CCDC141: variants seen among roughly 807,000 people sequenced by gnomAD.
CCDC141 encodes the protein coiled-coil domain containing 141, also known as coiled-coil domain-containing protein 141.
CCDC141 carries 168 observed loss-of-function variants against 181.0 expected under a neutral mutation model. The ratio of observed to expected loss-of-function variants is 0.93; its 90% CI spans 0.82 to 1.05. The LOEUF (loss-of-function observed/expected upper bound fraction) is 1.05, where lower values mean the gene tolerates loss of function less well. Ranked by LOEUF, CCDC141 falls within the 50% of genes least tolerant of loss-of-function variation. The pLI, the probability that CCDC141 is intolerant of heterozygous loss-of-function variation, is 0.00. For synonymous variants in CCDC141, 666 were observed against 642.3 expected (o/e 1.04, Z -0.56); for missense variants, 1,902 against 1,788.5 (o/e 1.06, Z -1.14).
intron 12 of CCDC141, chr2:178,876,804 T>A (rs1044566306): frequency 6.6e-6 from 1 of 152,136 alleles, no homozygotes; most frequent in Non-Finnish European, 1.5e-5. Flanking sequence ...TGGGATCATG[T>A]GTGAAGACTA....
At chr2:178,955,703 G>A (rs1363365642) in intron 5 of CCDC141, among the ~76,000 whole-genome samples, 1 of 152,164 alleles carries the variant, frequency 6.6e-6, no homozygotes, top group East Asian at 1.9e-4. Context: ...TAAAAGTCTA[G>A]AAGGTGGCAG....
intron 6 of CCDC141, among the ~76,000 whole-genome samples, chr2:178,919,842 G>A (rs1350522813): frequency 6.6e-6 from 1 of 152,150 alleles, no homozygotes; most frequent in Non-Finnish European, 1.5e-5. Context: ...CTCATAAAAT[G>A]AATAGCTGTT....
intron 2 of CCDC141, among the ~76,000 whole-genome samples, chr2:178,984,149 G>T (rs977414180): frequency 6.6e-6 from 1 of 151,912 alleles, no homozygotes; most frequent in Admixed American, 6.6e-5. Flanking sequence ...GAAGAGAGTG[G>T]GGGCCAATAG....
the CCDC141 span, among the ~76,000 whole-genome samples, chr2:178,818,998 A>T: frequency 6.6e-6 from 1 of 152,200 alleles, no homozygotes; most frequent in South Asian, 2.1e-4. Flanking sequence ...AGAAGGGCAG[A>T]CAGAAGGAGG....
intron 7 of CCDC141, among the ~76,000 whole-genome samples, chr2:178,909,956 T>C (rs1349888492): frequency 2.6e-5 from 4 of 152,342 alleles, no homozygotes; most frequent in South Asian, 4.1e-4. Context: ...ATTTTATCCC[T>C]CTGGTTCCTA....
At chr2:178,959,232 T>C (rs759026642) in intron 5 of CCDC141, among the ~76,000 whole-genome samples, 1 of 151,864 alleles carries the variant, frequency 6.6e-6, no homozygotes, top group Non-Finnish European at 1.5e-5. Flanking sequence ...ACATGGCACA[T>C]GTGTACATAT....
intron 5 of CCDC141, among the ~76,000 whole-genome samples, chr2:178,954,090 T>C (rs770688767): frequency 1.2e-4 from 19 of 152,246 alleles, no homozygotes; most frequent in African/African-American, 4.6e-4. Flanking sequence ...AAAGAGATTG[T>C]CTGCCCTCAT....
At chr2:178,959,622 T>C (rs988256029) in intron 5 of CCDC141, among the ~76,000 whole-genome samples, 1 of 152,192 alleles carries the variant, frequency 6.6e-6, no homozygotes, top group Non-Finnish European at 1.5e-5. Flanking sequence ...TGAAAGTGCA[T>C]GTGAGAGTGT....
chr2:178,868,340 C>A, intron 15 of CCDC141, 135 bp from the exon 16 acceptor site: 1 of 658,268 alleles, frequency 1.5e-6, no homozygotes, highest in Non-Finnish European at 2.6e-6. Context: ...TGGCATTAGC[C>A]AAATAAATGT....
Position 179,015,105 on chromosome 2 carries a change from A to ATCATATATATATATACACATATATATAT in CCDC141, c.225+32178_225+32179insATATATATATGTGTATATATATATATGA, listed in dbSNP as rs1559048793. Among the ~76,000 whole-genome samples, 11 of 21,362 alleles carry ATCATATATATATATACACATATATATAT rather than the reference A, an allele frequency of 5.1e-4. 2 individuals are homozygous for ATCATATATATATATACACATATATATAT. Among genetic ancestry groups the ATCATATATATATATACACATATATATAT allele is most frequent in the Admixed American group, 1.2e-3 (4 of 3,472 alleles). The allele number at this position is 21,362 out of a possible 152,430, so 14.0% of individuals were successfully genotyped here. A position where few individuals can be genotyped will look rare whatever the true frequency, so the allele number is the denominator to read the frequency against. The stretch of plus-strand genomic sequence containing the variant: ...ATATATATATATATATATATATATA[A>ATCATATATATATATACACATATATATAT]TATATATATAATCATATATATATAT... On this transcript the variant is annotated intron_variant, in intron 2 of 23. Coordinates refer to ENST00000443758, the MANE Select transcript of CCDC141 (RefSeq NM_173648.4).
intron 7 of CCDC141, among the ~76,000 whole-genome samples, chr2:178,916,831 A>C (rs919484141): frequency 3.3e-5 from 5 of 152,126 alleles, no homozygotes; most frequent in African/African-American, 4.8e-5. Context: ...TAAAATGGGG[A>C]ATCTAGAAAT....
intron 2 of CCDC141, among the ~76,000 whole-genome samples, chr2:179,005,238 G>A (rs1350885930): frequency 1.3e-5 from 2 of 151,912 alleles, no homozygotes; most frequent in Non-Finnish European, 2.9e-5. Flanking sequence ...AAAATATGCA[G>A]GTAAATGGAT....
chr2:178,933,537 C>T (rs182050688), intron 6 of CCDC141, among the ~76,000 whole-genome samples: 4 of 152,210 alleles, frequency 2.6e-5, no homozygotes, highest in East Asian at 1.9e-4. Flanking sequence ...TTCCTTTAAG[C>T]CTTAAAGATG....
chr2:179,013,819 G>A (rs2154384673), intron 2 of CCDC141, among the ~76,000 whole-genome samples: 2 of 151,856 alleles, frequency 1.3e-5, no homozygotes, highest in Middle Eastern at 6.8e-3. Flanking sequence ...TTAGCCAGGT[G>A]TGGTGGCGGG....
intron 6 of CCDC141, among the ~76,000 whole-genome samples, chr2:178,928,771 T>A (rs925079289): frequency 5.3e-4 from 81 of 152,176 alleles, no homozygotes; most frequent in African/African-American, 1.9e-3. Context: ...TTGGAGGGAC[T>A]TTCTAAATTC....
chr2:178,884,645 A>AC (rs1460696530), intron 11 of CCDC141, among the ~76,000 whole-genome samples: 3 of 152,016 alleles, frequency 2.0e-5, no homozygotes, highest in African/African-American at 4.8e-5. Context: ...CCTTTGGAAA[A>AC]CGCACAGGTC....
chr2:178,927,314 C>G (rs978888032), intron 6 of CCDC141, among the ~76,000 whole-genome samples: 1 of 152,072 alleles, frequency 6.6e-6, no homozygotes, highest in Non-Finnish European at 1.5e-5. Flanking sequence ...TATTCAGCAC[C>G]TTTTATGAAC....
chr2:178,916,810 C>A (rs966172126), intron 7 of CCDC141, among the ~76,000 whole-genome samples: 5 of 152,088 alleles, frequency 3.3e-5, no homozygotes, highest in Non-Finnish European at 5.9e-5. Flanking sequence ...CATGCCATGG[C>A]TTTCAAATGA....
chr2:178,828,117 C>A (rs552009030), downstream of CCDC141, among the ~76,000 whole-genome samples: 1 of 152,128 alleles, frequency 6.6e-6, no homozygotes, highest in South Asian at 2.1e-4. Context: ...GATTTAGGGT[C>A]CACCTTGACA....
Sources: gnomAD v4.1 joint callset for allele counts (sites outside exome capture counted in the v4.1 genomes callset) on GRCh38, gnomAD v4.1.1 for gene constraint, MANE v1.5 for transcripts, NCBI Gene and HGNC (gene_info 2026-07-23, HGNC 2026-07-21) for gene names.